VCAN: variants seen among roughly 807,000 people sequenced by gnomAD.
VCAN encodes the protein versican.
VCAN carries 44 observed loss-of-function variants against 245.5 expected under a neutral mutation model. The observed-to-expected ratio is 0.18, with a 90% CI of 0.14 to 0.23. The LOEUF (loss-of-function observed/expected upper bound fraction) is 0.23. VCAN is among the 10% of genes least tolerant of loss of function. The probability of loss-of-function intolerance (pLI) is 1.00; values close to 1 mark genes in which losing one functional copy is unlikely to be tolerated. For missense variants in VCAN, 3,793 were observed against 4,057.9 expected (o/e 0.93, Z 1.77); for synonymous variants, 1,413 against 1,437.0 (o/e 0.98, Z 0.38).
chr5:83,520,230 A>C lies in VCAN; in HGVS notation c.1924A>C (p.Thr642Pro). 6.2e-7 allele frequency: 1 copy of C among 1,613,996 alleles called. No individual in the cohort carries two copies. The highest frequency in any genetic ancestry group is 8.5e-7 in the Non-Finnish European group (1 of 1,179,954). The change falls in exon 7 of 15, where the codon ACT (threonine) becomes CCT (proline). Residue 642 changes from threonine (T) to proline (P), a missense_variant. Around this residue, in one of 5 missense-constraint regions of VCAN, gnomAD observed 3,182 missense variants for 3,250.3 expected, o/e 0.98. Transcript: ENST00000265077. ...TEEFLGKYLSTTPFPSQHRTE... is the reference protein window; with the variant it reads ...TEEFLGKYLSPTPFPSQHRTE... ...AGAGTTTCTTGGCAAATATCTGTCT[A>C]CTACACCTTTTCCATCACAGCATCG... is the stretch of plus-strand genomic sequence containing the variant.
chr5:83,474,522 G>T (rs1744312657), intron 1 of VCAN, among the ~76,000 whole-genome samples: 1 of 152,218 alleles, frequency 6.6e-6, no homozygotes, highest in South Asian at 2.1e-4. Context: ...GCCCCCACTC[G>T]CTCACCTCGC....
At chr5:83,554,072 A>T (rs1747571981) in intron 11 of VCAN, among the ~76,000 whole-genome samples, 1 of 152,248 alleles carries the variant, frequency 6.6e-6, no homozygotes, top group African/African-American at 2.4e-5. Context: ...TTGAAAGCTA[A>T]TGAAACTTAA....
rs926425554 is a variant in VCAN at position 83,520,559 on chromosome 5, A to T, written c.2253A>T (p.Thr751=). The T allele has an allele frequency of 1.9e-6, 3 of 1,613,938 alleles. No individual in the cohort carries two copies. Among genetic ancestry groups the T allele is most frequent in the African/African-American group, 2.7e-5 (2 of 74,932 alleles). Residue 751 remains threonine, a synonymous_variant, in exon 7 of 15, where the codon ACA becomes ACT. Coordinates refer to ENST00000265077, the MANE Select transcript of VCAN (RefSeq NM_004385.5). ...TGACCAAGTCTTTTGATTTCCCAAC[A>T]TTGATAACAAAGTTAAGTGCAGAGC... ...VEMTKSFDFP[T]LITKLSAEPT...
chr5:83,551,622 C>T, intron 10 of VCAN, among the ~76,000 whole-genome samples: 1 of 152,110 alleles, frequency 6.6e-6, no homozygotes, highest in East Asian at 1.9e-4. Flanking sequence ...ATGTATTATT[C>T]AAGGGGTTAA....
chr5:83,519,536 C>G lies in VCAN; in HGVS notation c.1230C>G (p.Val410=), dbSNP rs148253316. The G allele has an allele frequency of 8.7e-5, 141 of 1,614,142 alleles. 1 individual carries two copies. In the East Asian group the frequency reaches 2.9e-3, roughly 33 times the overall value. ...NIVSFEQKAT[V]QPQAITDSLA... ...TCAGTTTTGAACAGAAAGCCACAGTCCAACCTCAGGCTATCACAGATAGTT... is the reference window on the plus strand; with the variant it reads ...TCAGTTTTGAACAGAAAGCCACAGTGCAACCTCAGGCTATCACAGATAGTT... Residue 410 remains valine (V), a synonymous_variant, in exon 7 of 15, where the codon GTC becomes GTG. Transcript: ENST00000265077.
rs370119993 is a variant in VCAN at position 83,538,383 on chromosome 5, A to G, written c.5380A>G (p.Thr1794Ala). Residue 1794 changes from threonine (T) to alanine (A), a missense_variant, in exon 8 of 15, where the codon ACA (threonine) becomes GCA (alanine). By Grantham distance (58) the Thr-to-Ala change is moderately conservative. Coordinates refer to ENST00000265077, the MANE Select transcript of VCAN (RefSeq NM_004385.5). Reference protein sequence around the residue: ...REMTDSTPVFTETNTLENLGA... With the variant: ...REMTDSTPVFAETNTLENLGA... ...AATGACAGATTCTACTCCTGTCTTT[A>G]CAGAAACAAATACATTAGAAAATTT... is the stretch of plus-strand genomic sequence containing the variant. 2 of 1,613,896 alleles carry G rather than the reference A, an allele frequency of 1.2e-6. No homozygotes were observed. Among genetic ancestry groups the G allele is most frequent in the Non-Finnish European group, 1.7e-6 (2 of 1,179,966 alleles).
chr5:83,555,408 C>T (rs946175349), intron 12 of VCAN, among the ~76,000 whole-genome samples: 6 of 152,130 alleles, frequency 3.9e-5, no homozygotes, highest in South Asian at 2.1e-4. Flanking sequence ...AATACCTTTC[C>T]GTCTTAAATA....
At chr5:83,513,855 G>T (rs1270067739) in intron 6 of VCAN, among the ~76,000 whole-genome samples, 1 of 152,144 alleles carries the variant, frequency 6.6e-6, no homozygotes, top group Non-Finnish European at 1.5e-5. Flanking sequence ...GGTATGCTGT[G>T]GGGAAGGCAT....
chr5:83,561,938 T>A (rs1260218400), intron 12 of VCAN: 1 of 152,166 alleles, frequency 6.6e-6, no homozygotes, highest in African/African-American at 2.4e-5. Flanking sequence ...TGTTGTAGAT[T>A]TCTGCTCATT....
At position 83,520,467 on chromosome 5, in the gene VCAN, T is replaced by G. The variant is rs756311418; in HGVS notation, c.2161T>G (p.Phe721Val). 8.7e-6 allele frequency: 14 copies of G among 1,613,966 alleles called. No individual in the cohort carries two copies. Among genetic ancestry groups the G allele is most frequent in the Non-Finnish European group, 1.2e-5 (14 of 1,179,942 alleles). ...PFMGKTEEEVFSGMKLSTSLS... is the reference protein window; with the variant it reads ...PFMGKTEEEVVSGMKLSTSLS... Reference sequence around the variant, plus strand: ...TATGGGAAAAACAGAAGAAGAAGTCTTCTCTGGGATGAAACTCTCTACATC... The same window carrying G: ...TATGGGAAAAACAGAAGAAGAAGTCGTCTCTGGGATGAAACTCTCTACATC... The change falls in exon 7 of 15, where the codon TTC (phenylalanine) becomes GTC (valine). Residue 721 changes from phenylalanine (F) to valine (V), a missense_variant. Phe to Val is a conservative substitution (Grantham distance 50, BLOSUM62 -1). Transcript: ENST00000265077.
chr5:83,563,251 A>G (rs1277890084), intron 12 of VCAN, among the ~76,000 whole-genome samples: 2 of 152,182 alleles, frequency 1.3e-5, no homozygotes, highest in Non-Finnish European at 2.9e-5. Flanking sequence ...ATAAAGAAGG[A>G]CCCAGACTAG....
intron 7 of VCAN, among the ~76,000 whole-genome samples, chr5:83,529,025 C>T (rs981368581): frequency 2.0e-5 from 3 of 150,098 alleles, no homozygotes; most frequent in South Asian, 2.1e-4. Context: ...CACACACACA[C>T]ATATATGTAT....
chr5:83,511,234 C>T (rs1001034508), intron 5 of VCAN, among the ~76,000 whole-genome samples: 5 of 148,780 alleles, frequency 3.4e-5, no homozygotes, highest in African/African-American at 9.8e-5. Context: ...CTCTGCCTCC[C>T]GGGTTCAAGC....
rs1745696354 is a variant in VCAN, at chr5:83,512,411, C to T, written c.1042+15C>T. Reference sequence around the variant, plus strand: ...CTGCTTTAAACGTAAGTGTTTGATACCTTTTTAAAAATTACAGTTTTAAAA... The same window carrying T: ...CTGCTTTAAACGTAAGTGTTTGATATCTTTTTAAAAATTACAGTTTTAAAA... On this transcript the variant is annotated intron_variant, in intron 6 of 14. Coordinates refer to ENST00000265077, the MANE Select transcript of VCAN (RefSeq NM_004385.5). 8 of 1,610,978 alleles carry T rather than the reference C, an allele frequency of 5.0e-6. No homozygotes were observed. Among genetic ancestry groups the T allele is most frequent in the African/African-American group, 2.7e-5 (2 of 74,828 alleles).
At position 83,512,294 on chromosome 5, in the gene VCAN, C is replaced by A; in HGVS notation, c.940C>A (p.Gln314Lys). 1 of 1,614,104 alleles carries A rather than the reference C, an allele frequency of 6.2e-7. No individual in the cohort carries two copies. The highest frequency in any genetic ancestry group is 1.3e-5 in the African/African-American group (1 of 75,044). Reference protein sequence around the residue: ...VRHPVTVARAQCGGGLLGVRT... With the variant: ...VRHPVTVARAKCGGGLLGVRT... The stretch of plus-strand genomic sequence containing the variant: ...CCACCCTGTGACTGTGGCCAGGGCC[C>A]AGTGTGGAGGTGGTCTACTTGGGGT... Residue 314 changes from glutamine to lysine, a missense_variant, in exon 6 of 15, where the codon CAG (glutamine) becomes AAG (lysine). By Grantham distance (53) the Gln-to-Lys change is moderately conservative. This residue lies in a region of VCAN where 190 missense variants were observed against 288.6 expected (regional missense o/e 0.66). Coordinates refer to ENST00000265077, the MANE Select transcript of VCAN (RefSeq NM_004385.5).
At chr5:83,500,371 G>A (rs1048484329) in intron 5 of VCAN, among the ~76,000 whole-genome samples, 16 of 152,116 alleles carry the variant, frequency 1.1e-4, no homozygotes, top group African/African-American at 3.4e-4. Flanking sequence ...TACAGTGTTT[G>A]AACAGTCTAC....
intron 7 of VCAN, among the ~76,000 whole-genome samples, chr5:83,534,693 T>G (rs1746640851): frequency 6.6e-6 from 1 of 152,074 alleles, no homozygotes; most frequent in Non-Finnish European, 1.5e-5. Context: ...TACTGAATAG[T>G]TTAACTGAGT....
chr5:83,576,459 A>G (rs918903297), intron 13 of VCAN, among the ~76,000 whole-genome samples: 8 of 151,984 alleles, frequency 5.3e-5, no homozygotes, highest in African/African-American at 1.9e-4. Flanking sequence ...CATTTTACTT[A>G]TCAATTCTCC....
In VCAN at chr5:83,520,807, TG is replaced by T; in HGVS notation, c.2505del (p.Met836Ter). On this transcript the variant is annotated frameshift_variant, in exon 7 of 15. Coordinates refer to ENST00000265077, the MANE Select transcript of VCAN (RefSeq NM_004385.5). LOFTEE classifies it high-confidence loss of function. ...SKLPPALLTT[V>X]GMNGKDKDIP... ...TTGCCCCCTGCCTTACTCACAACTG[TG>T]GGGATGAATGGAAAGGATAAAGACA... 1 of 1,614,128 alleles carries T rather than the reference TG, an allele frequency of 6.2e-7. No homozygotes were observed. The highest frequency in any genetic ancestry group is 8.5e-7 in the Non-Finnish European group (1 of 1,179,974).
Sources: gnomAD v4.1 joint callset for allele counts (sites outside exome capture counted in the v4.1 genomes callset) on GRCh38, gnomAD v4.1.1 for gene constraint, gnomAD v4.1.1 regional missense constraint, MANE v1.5 for transcripts, NCBI Gene and HGNC (gene_info 2026-07-23, HGNC 2026-07-21) for gene names.